The following KCND3 variants were observed in gnomAD, a reference collection of about 807,000 sequenced individuals.
KCND3 encodes the protein A-type voltage-gated potassium channel KCND3.
In KCND3, 9 loss-of-function variants were observed where a neutral mutation model predicts 51.1. The ratio of observed to expected loss-of-function variants is 0.18; its 90% CI spans 0.11 to 0.31. KCND3 has a LOEUF of 0.31. KCND3 is among the 10% of genes least tolerant of loss of function. The pLI, the probability that KCND3 is intolerant of heterozygous loss-of-function variation, is 1.00. For missense variants in KCND3, 526 were observed against 903.8 expected, an observed-to-expected ratio of 0.58 and a Z score of 5.36; for synonymous variants, 349 against 368.0, an observed-to-expected ratio of 0.95 and a Z score of 0.59.
intron 2 of KCND3, among the ~76,000 whole-genome samples, chr1:111,826,506 C>T (rs967004548): frequency 1.9e-4 from 29 of 152,298 alleles, no homozygotes; most frequent in African/African-American, 6.7e-4. Context: ...TGTGCACACA[C>T]CCACCATCAT....
intron 2 of KCND3, among the ~76,000 whole-genome samples, chr1:111,857,257 C>T (rs1344108860): frequency 6.6e-6 from 1 of 152,214 alleles, no homozygotes; most frequent in Non-Finnish European, 1.5e-5. Context: ...CTGGGCTCCA[C>T]AGTCCCTGAG....
chr1:111,929,187 T>C (rs1671844379), intron 2 of KCND3, among the ~76,000 whole-genome samples: 1 of 152,224 alleles, frequency 6.6e-6, no homozygotes, highest in African/African-American at 2.4e-5. Context: ...CTTGCCTGCC[T>C]TGTCCCACCT....
At chr1:111,837,033 A>C (rs1667098874) in intron 2 of KCND3, among the ~76,000 whole-genome samples, 1 of 152,242 alleles carries the variant, frequency 6.6e-6, no homozygotes, top group Non-Finnish European at 1.5e-5. Context: ...TATTAACCAC[A>C]GTGTCTTTCA....
At chr1:111,849,771 T>A (rs895787245) in intron 2 of KCND3, among the ~76,000 whole-genome samples, 1 of 152,190 alleles carries the variant, frequency 6.6e-6, no homozygotes, top group African/African-American at 2.4e-5. Context: ...GTCTTTTTGC[T>A]TATCTGTTCT....
intron 2 of KCND3, among the ~76,000 whole-genome samples, chr1:111,832,637 A>T (rs1268067913): frequency 6.6e-6 from 1 of 152,296 alleles, no homozygotes; most frequent in East Asian, 1.9e-4. Flanking sequence ...GAACTGCTCC[A>T]TCTGAAAACT....
intron 2 of KCND3, among the ~76,000 whole-genome samples, chr1:111,911,358 G>A (rs916409799): frequency 2.6e-5 from 4 of 152,196 alleles, no homozygotes; most frequent in Non-Finnish European, 4.4e-5. Flanking sequence ...GGTACACGGA[G>A]GAGTAGGTAA....
intron 2 of KCND3, among the ~76,000 whole-genome samples, chr1:111,863,335 A>T (rs940365665): frequency 2.7e-5 from 4 of 149,508 alleles, no homozygotes; most frequent in African/African-American, 4.9e-5. Context: ...GAAACAGTAA[A>T]AAAAAAAAAA....
intron 2 of KCND3, among the ~76,000 whole-genome samples, chr1:111,818,217 C>T (rs993108177): frequency 1.3e-5 from 2 of 152,144 alleles, no homozygotes; most frequent in South Asian, 4.1e-4. Flanking sequence ...GCAAGGATGG[C>T]CTCTGGGCAG....
chr1:111,941,472 A>G (rs1489677996), intron 2 of KCND3, among the ~76,000 whole-genome samples: 1 of 152,192 alleles, frequency 6.6e-6, no homozygotes, highest in Non-Finnish European at 1.5e-5. Context: ...TGGGGTTTTT[A>G]TCACAGAAAT....
intron 2 of KCND3, among the ~76,000 whole-genome samples, chr1:111,938,584 G>A (rs1672330914): frequency 6.6e-6 from 1 of 152,264 alleles, no homozygotes; most frequent in Admixed American, 6.5e-5. Flanking sequence ...TTTTATCTAG[G>A]GTGTGAAAGG....
chr1:111,940,853 C>A (rs1290286095), intron 2 of KCND3, among the ~76,000 whole-genome samples: 4 of 152,188 alleles, frequency 2.6e-5, no homozygotes, highest in Non-Finnish European at 4.4e-5. Flanking sequence ...CCACCTTCCA[C>A]CCCACATACA....
At chr1:111,819,881 A>G (rs2101594652) in intron 2 of KCND3, among the ~76,000 whole-genome samples, 1 of 152,154 alleles carries the variant, frequency 6.6e-6, no homozygotes, top group Admixed American at 6.5e-5. Flanking sequence ...GCTTTCCACC[A>G]CCCACCTTCC....
chr1:111,921,297 A>G (rs1055423068), intron 2 of KCND3, among the ~76,000 whole-genome samples: 8 of 152,242 alleles, frequency 5.3e-5, no homozygotes, highest in African/African-American at 1.9e-4. Flanking sequence ...GCCGTACAGC[A>G]TAAGGGCCCT....
At chr1:111,878,589 G>A (rs1017387952) in intron 2 of KCND3, among the ~76,000 whole-genome samples, 3 of 152,260 alleles carry the variant, frequency 2.0e-5, no homozygotes, top group Non-Finnish European at 4.4e-5. Context: ...AAGTGTTGGT[G>A]CTTTAACCCA....
chr1:111,974,584 C>T (rs1674527927), intron 2 of KCND3, among the ~76,000 whole-genome samples: 1 of 152,076 alleles, frequency 6.6e-6, no homozygotes, highest in Non-Finnish European at 1.5e-5. Context: ...GGACAAGAGC[C>T]CTGCAATGGC....
intron 2 of KCND3, among the ~76,000 whole-genome samples, chr1:111,931,588 C>T (rs910771952): frequency 1.5e-4 from 23 of 152,312 alleles, no homozygotes; most frequent in African/African-American, 5.5e-4. Context: ...AGTTGCTTAA[C>T]CTCTCTGGGT....
chr1:111,883,437 C>T (rs1263106064), intron 2 of KCND3, among the ~76,000 whole-genome samples: 3 of 152,228 alleles, frequency 2.0e-5, no homozygotes, highest in African/African-American at 7.2e-5. Flanking sequence ...TATGAACATC[C>T]TCCTCATTCT....
intron 2 of KCND3, among the ~76,000 whole-genome samples, chr1:111,942,891 G>A (rs1437192978): frequency 5.3e-5 from 8 of 152,130 alleles, no homozygotes; most frequent in East Asian, 1.9e-4. Context: ...TGGACTTCCC[G>A]GCCTTCTTTC....
chr1:111,811,282 G>A (rs1436722251), intron 2 of KCND3, among the ~76,000 whole-genome samples: 1 of 152,136 alleles, frequency 6.6e-6, no homozygotes, highest in Non-Finnish European at 1.5e-5. Context: ...CCTGGACTAG[G>A]TGTTTTGTAT....
Sources: allele counts gnomAD v4.1 joint callset (sites outside exome capture counted in the v4.1 genomes callset), GRCh38; gene constraint gnomAD v4.1.1; transcripts MANE v1.5; gene names NCBI Gene and HGNC (gene_info 2026-07-23, HGNC 2026-07-21).